Variants in MAPK10 observed in about 807,000 individuals in gnomAD.
MAPK10 encodes mitogen-activated protein kinase 10.
Under a neutral mutation model 59.3 loss-of-function variants are expected in MAPK10, and 25 were observed. The ratio of observed to expected loss-of-function variants is 0.42; its 90% CI spans 0.31 to 0.59. The LOEUF (loss-of-function observed/expected upper bound fraction) is 0.59. MAPK10 is among the 20% of genes least tolerant of loss of function. The probability of loss-of-function intolerance (pLI) is 0.15; values close to 1 mark genes in which losing one functional copy is unlikely to be tolerated. For synonymous variants in MAPK10, 190 were observed against 200.5 expected (o/e 0.95, Z 0.44); for missense variants, 351 against 568.9 (o/e 0.62, Z 3.90).
At chr4:86,316,878 T>C (rs17409311) in intron 2 of MAPK10, among the ~76,000 whole-genome samples, 41,892 of 151,694 alleles carry the variant, frequency 0.28, 5,892 homozygotes, top group South Asian at 0.43. Flanking sequence ...ATGCCCACCT[T>C]ATGCTTCAGA....
intron 3 of MAPK10, among the ~76,000 whole-genome samples, chr4:86,164,135 C>T (rs952715638): frequency 2.6e-5 from 4 of 152,096 alleles, no homozygotes; most frequent in African/African-American, 9.7e-5. Context: ...TAGCTGAAAA[C>T]AGCACTGAGC....
chr4:86,037,529 A>T (rs1330656924), intron 11 of MAPK10, among the ~76,000 whole-genome samples: 1 of 152,126 alleles, frequency 6.6e-6, no homozygotes, highest in Admixed American at 6.6e-5. Flanking sequence ...AAAAAAAAAA[A>T]AAAGTTGCCC....
At chr4:86,110,417 G>A (rs1409887237) in intron 4 of MAPK10, among the ~76,000 whole-genome samples, 1 of 152,150 alleles carries the variant, frequency 6.6e-6, no homozygotes, top group Non-Finnish European at 1.5e-5. Context: ...GTGTAAGGAA[G>A]AGGTCCAGTT....
At chr4:86,450,110 G>T (rs955810653) in intron 1 of MAPK10, among the ~76,000 whole-genome samples, 1 of 152,222 alleles carries the variant, frequency 6.6e-6, no homozygotes, top group African/African-American at 2.4e-5. Flanking sequence ...ATAAATGTGT[G>T]TTGTTTTAAG....
chr4:86,046,028 T>A (rs1212298877), intron 11 of MAPK10, among the ~76,000 whole-genome samples: 1 of 150,652 alleles, frequency 6.6e-6, no homozygotes, highest in African/African-American at 2.4e-5. Flanking sequence ...GAATTGAGAA[T>A]AAAAGACCTA....
At chr4:86,363,333 T>C (rs1040992000), upstream of MAPK10, among the ~76,000 whole-genome samples, 1 of 152,170 alleles carries the variant, frequency 6.6e-6, no homozygotes, top group Admixed American at 6.5e-5. Flanking sequence ...GCTTTTGGTA[T>C]GGAGAGGTTG....
intron 1 of MAPK10, among the ~76,000 whole-genome samples, chr4:86,523,171 T>G (rs1208807329): frequency 6.6e-6 from 1 of 152,226 alleles, no homozygotes; most frequent in African/African-American, 2.4e-5. Context: ...TAGGTATATC[T>G]CTAGCTATTT....
At chr4:86,168,879 G>C (rs2072971488) in intron 3 of MAPK10, among the ~76,000 whole-genome samples, 3 of 152,122 alleles carry the variant, frequency 2.0e-5, no homozygotes, top group Non-Finnish European at 1.5e-5. Context: ...CCAGAGGAAC[G>C]ATCAGACAGC....
intron 1 of MAPK10, among the ~76,000 whole-genome samples, chr4:86,441,933 TG>T (rs961241649): frequency 3.9e-5 from 6 of 152,154 alleles, no homozygotes; most frequent in Admixed American, 1.3e-4. Flanking sequence ...CAAAAGGGGC[TG>T]GGGGGTATCT....
chr4:86,130,122 A>G (rs770003453), intron 4 of MAPK10, among the ~76,000 whole-genome samples: 4 of 152,108 alleles, frequency 2.6e-5, no homozygotes, highest in Non-Finnish European at 4.4e-5. Context: ...ATGAAATTCT[A>G]TTGTAGCATT....
At chr4:86,069,718 C>G (rs569303895) in intron 9 of MAPK10, among the ~76,000 whole-genome samples, 54 of 152,136 alleles carry the variant, frequency 3.5e-4, no homozygotes, top group African/African-American at 1.3e-3. Context: ...CATCATTGAT[C>G]AAACTTCCTC....
intron 2 of MAPK10, among the ~76,000 whole-genome samples, chr4:86,329,593 CA>C (rs1250600147): frequency 2.0e-5 from 3 of 152,102 alleles, no homozygotes; most frequent in African/African-American, 7.2e-5. Flanking sequence ...CGAGAGATCC[CA>C]GTTTGGGGCT....
intron 9 of MAPK10, chr4:86,095,846 TAA>T (rs993757901): frequency 6.6e-6 from 1 of 151,902 alleles, no homozygotes; most frequent in Non-Finnish European, 1.5e-5. Flanking sequence ...CTTTAAACAT[TAA>T]GTTATAATTT....
intron 2 of MAPK10, among the ~76,000 whole-genome samples, chr4:86,282,507 C>T (rs2094845994): frequency 6.6e-6 from 1 of 152,004 alleles, no homozygotes; most frequent in Non-Finnish European, 1.5e-5. Flanking sequence ...CAATGGAGAT[C>T]ATTTAAAAAA....
intron 1 of MAPK10, among the ~76,000 whole-genome samples, chr4:86,416,032 T>A (rs944487643): frequency 6.6e-6 from 1 of 152,208 alleles, no homozygotes; most frequent in African/African-American, 2.4e-5. Flanking sequence ...TAAATTGAAT[T>A]GTGTCTTCCC....
rs1354826813 is a variant in MAPK10, at chr4:86,465,937, A to G, written c.-262-111293T>C. On this transcript the variant is annotated intron_variant, in intron 1 of 4. Transcript: ENST00000502302. ...GAGGAAAGCGGGACAACCAGTCACA[A>G]TGAGTAACTTAATGGTAGCTATGAT... Among the ~76,000 whole-genome samples, 3 of 152,208 alleles carry G rather than the reference A, an allele frequency of 2.0e-5. No individual in the cohort carries two copies. In the East Asian group the frequency reaches 5.8e-4, roughly 29 times the overall value.
At chr4:86,425,240 A>C (rs540257284) in intron 1 of MAPK10, among the ~76,000 whole-genome samples, 2 of 152,228 alleles carry the variant, frequency 1.3e-5, no homozygotes, top group Non-Finnish European at 2.9e-5. Context: ...TTGTTGGTTT[A>C]ACAGTATATA....
chr4:86,028,517 T>C lies in MAPK10; in HGVS notation c.1252+680A>G, dbSNP rs144840330. ...CAAAACTAGGCATTTGTAGCCCCCA[T>C]TTTTGCTAGCAGGAGTTGAATGTAG... is the stretch of plus-strand genomic sequence containing the variant. On this transcript the variant is annotated intron_variant, in intron 13 of 13. Coordinates refer to ENST00000641462, the MANE Select transcript of MAPK10 (RefSeq NM_138982.4). 1.7e-3 allele frequency: 260 copies of C among 152,266 alleles called. 1 individual carries two copies. The highest frequency in any genetic ancestry group is 5.9e-3 in the African/African-American group (246 of 41,546). 9.4% of individuals were successfully genotyped at this position (152,266 alleles called of 1,614,324 possible). A position where few individuals can be genotyped will look rare whatever the true frequency, so the allele number is the denominator to read the frequency against.
At chr4:86,369,838 T>C (rs1738482155) in intron 1 of MAPK10, among the ~76,000 whole-genome samples, 1 of 152,214 alleles carries the variant, frequency 6.6e-6, no homozygotes, top group Admixed American at 6.5e-5. Context: ...ATTAGAAATA[T>C]GTATAGGCCA....
Sources: allele counts gnomAD v4.1 joint callset (sites outside exome capture counted in the v4.1 genomes callset), GRCh38; gene constraint gnomAD v4.1.1; transcripts MANE v1.5; gene names NCBI Gene and HGNC (gene_info 2026-07-23, HGNC 2026-07-21).